Variants in OTUD7A observed in about 807,000 individuals in gnomAD.
The protein encoded by OTUD7A is OTU domain-containing protein 7A.
A neutral mutation model predicts 65.7 loss-of-function variants in OTUD7A; 12 were observed. The ratio of observed to expected loss-of-function variants is 0.18; its 90% CI spans 0.12 to 0.30. The LOEUF is 0.30. Ranked by LOEUF, OTUD7A falls within the 10% of genes least tolerant of loss-of-function variation. The pLI is 1.00. For synonymous variants in OTUD7A, 641 were observed against 586.3 expected (o/e 1.09, Z -1.35); for missense variants, 1,148 against 1,304.8 (o/e 0.88, Z 1.85).
Position 31,483,615 on chromosome 15 carries a change from G to C in OTUD7A, c.2481C>G (p.Val827=), listed in dbSNP as rs1595547749. The C allele has an allele frequency of 1.7e-6, 2 of 1,206,032 alleles. No homozygotes were observed. The highest frequency in any genetic ancestry group is 3.2e-5 in the African/African-American group (2 of 62,196). The allele number at this position is 1,206,032 out of a possible 1,614,324, so 74.7% of individuals were successfully genotyped here. ...SPARAAALRT[V]NTVESLARAV... is the part of the protein sequence containing the mutation. ...CGCGCGCCAGCGACTCGACCGTGTT[G>C]ACGGTGCGCAGGGCGGCGGCGCGCG... Residue 827 remains valine (V), a synonymous_variant, in exon 13 of 13, where the codon GTC becomes GTG. Coordinates refer to ENST00000307050, the MANE Select transcript of OTUD7A (RefSeq NM_001382637.1).
chr15:31,797,402 G>C (rs921682073), intron 1 of OTUD7A, among the ~76,000 whole-genome samples: 1 of 152,154 alleles, frequency 6.6e-6, no homozygotes, highest in South Asian at 2.1e-4. Flanking sequence ...ATGTAGACTG[G>C]CGGTCACCTC....
intron 7 of OTUD7A, 78 bp from the exon 8 acceptor site, chr15:31,526,539 A>G: frequency 8.2e-7 from 1 of 1,215,308 alleles, no homozygotes; most frequent in Non-Finnish European, 1.1e-6. Context: ...CCCAATCTGG[A>G]CCAGCCTCAC....
At chr15:31,503,537 C>T (rs1392191516) in intron 9 of OTUD7A, among the ~76,000 whole-genome samples, 154 bp downstream of exon 9, 3 of 152,226 alleles carry the variant, frequency 2.0e-5, no homozygotes, top group East Asian at 3.8e-4. Context: ...CTGCTGCCAT[C>T]AGGGAGGAGA....
At chr15:31,847,014 G>A (rs1897308026) in intron 1 of OTUD7A, among the ~76,000 whole-genome samples, 1 of 152,194 alleles carries the variant, frequency 6.6e-6, no homozygotes, top group East Asian at 1.9e-4. Flanking sequence ...GCTAGGCAGG[G>A]CAGGGAAGGA....
intron 1 of OTUD7A, among the ~76,000 whole-genome samples, chr15:31,751,119 G>C (rs12594096): frequency 0.69 from 104,796 of 151,886 alleles, 36,669 homozygotes; most frequent in South Asian, 0.8. Context: ...CAAAATAACA[G>C]AGTAAATATA....
chr15:31,819,516 G>A (rs942207037), intron 1 of OTUD7A, among the ~76,000 whole-genome samples: 1 of 152,150 alleles, frequency 6.6e-6, no homozygotes, highest in African/African-American at 2.4e-5. Context: ...CTATATATTT[G>A]TAGAGCTAAA....
chr15:31,649,485 G>A (rs1891772881), intron 3 of OTUD7A, among the ~76,000 whole-genome samples: 1 of 152,146 alleles, frequency 6.6e-6, no homozygotes, highest in African/African-American at 2.4e-5. Flanking sequence ...TTGCCACCAT[G>A]AGGATTTATT....
rs2041422847 is a variant in OTUD7A at position 31,498,797 on chromosome 15, C to T, written c.1171+2893G>A. Reference sequence around the variant, plus strand: ...GGAAGCTACCAAGAAAGAATGCATACATTTTATCTAAAAAGTCCTAAGATA... The same window carrying T: ...GGAAGCTACCAAGAAAGAATGCATATATTTTATCTAAAAAGTCCTAAGATA... On this transcript the variant is annotated intron_variant, in intron 10 of 12. Transcript: ENST00000307050. This position sits in a 1 kb window ranked among gnomAD's most constrained non-coding sequence, Gnocchi z 4.2. Among the ~76,000 whole-genome samples the T allele has an allele frequency of 6.6e-6, 1 of 152,216 alleles. No homozygotes were observed. Among genetic ancestry groups the T allele is most frequent in the Non-Finnish European group, 1.5e-5 (1 of 68,034 alleles).
chr15:31,533,997 G>A (rs1887715912), intron 5 of OTUD7A, among the ~76,000 whole-genome samples: 1 of 152,132 alleles, frequency 6.6e-6, no homozygotes, highest in South Asian at 2.1e-4. Context: ...TGTATATAAT[G>A]TAATAACTAG....
intron 8 of OTUD7A, among the ~76,000 whole-genome samples, chr15:31,523,763 A>T (rs1278602212): frequency 6.6e-6 from 1 of 152,226 alleles, no homozygotes; most frequent in Non-Finnish European, 1.5e-5. Context: ...ATGATGCCCT[A>T]CACCTCTCAG....
At chr15:31,711,047 T>C (rs1893431752) in intron 1 of OTUD7A, among the ~76,000 whole-genome samples, 1 of 146,804 alleles carries the variant, frequency 6.8e-6, no homozygotes, top group African/African-American at 2.5e-5. Flanking sequence ...TTCATTCAGC[T>C]GAATTGATTG....
Position 31,813,069 on chromosome 15 carries a change from C to T in OTUD7A, c.-100+57438G>A, listed in dbSNP as rs73380558. 2.0e-5 allele frequency among the ~76,000 whole-genome samples: 3 copies of T among 152,164 alleles called. No homozygotes were observed. In the East Asian group the frequency reaches 5.8e-4, roughly 29 times the overall value. ...CACAGAGAAGGTAGAAGCAAGACAC[C>T]TGATGCGGCAGCTGTCAAACGCCGG... On this transcript the variant is annotated intron_variant, in intron 1 of 12. Transcript: ENST00000307050.
At chr15:31,825,818 T>C (rs1216584024) in intron 1 of OTUD7A, among the ~76,000 whole-genome samples, 3 of 152,208 alleles carry the variant, frequency 2.0e-5, no homozygotes, top group South Asian at 2.1e-4. Flanking sequence ...AGGTGAGACA[T>C]TGGCCAAAAC....
At chr15:31,807,440 TA>T (rs1261511450) in intron 1 of OTUD7A, among the ~76,000 whole-genome samples, 1 of 152,226 alleles carries the variant, frequency 6.6e-6, no homozygotes, top group Non-Finnish European at 1.5e-5. Flanking sequence ...TTCCTTTTAT[TA>T]AACTCGTACA....
chr15:31,823,712 C>G (rs1488949240), intron 1 of OTUD7A, among the ~76,000 whole-genome samples: 1 of 152,136 alleles, frequency 6.6e-6, no homozygotes, highest in Non-Finnish European at 1.5e-5. Context: ...GCACGTGTAC[C>G]TTAGAACCTA....
chr15:31,725,668 CCA>C (rs1190001014), intron 1 of OTUD7A, among the ~76,000 whole-genome samples: 1 of 152,216 alleles, frequency 6.6e-6, no homozygotes, highest in Non-Finnish European at 1.5e-5. Flanking sequence ...CCTGGCCTCC[CCA>C]AAGCTACACG....
chr15:31,721,507 C>T (rs796716998), intron 1 of OTUD7A, among the ~76,000 whole-genome samples: 3,204 of 129,340 alleles, frequency 0.025, 53 homozygotes, highest in African/African-American at 0.073. Context: ...GCAGGTTTTG[C>T]TTTCTCCTCC....
Position 31,484,342 on chromosome 15 carries a change from G to C in OTUD7A, c.1754C>G (p.Ser585Trp), listed in dbSNP as rs373551661. The change falls in exon 13 of 13, where the codon TCG (serine) becomes TGG (tryptophan). Residue 585 changes from serine (S) to tryptophan (W), a missense_variant. By Grantham distance (177) the Ser-to-Trp change is radical (BLOSUM62 -3). Coordinates refer to ENST00000307050, the MANE Select transcript of OTUD7A (RefSeq NM_001382637.1). The surrounding 1 kb of genome is among the most constrained non-coding windows in gnomAD (Gnocchi z 4.5). ...CTTTTCCGACGGCGACGTGCTGGCC[G>C]ACGCACCAGACTCCTCCTTGCTGCC... The part of the protein sequence containing the change: ...RKGSKEESGA[S>W]ASTSPSEKTT... 6 of 1,600,434 alleles carry C rather than the reference G, an allele frequency of 3.7e-6. No individual in the cohort carries two copies. The African/African-American group carries it at 8.0e-5, about 21-fold the overall frequency.
chr15:31,850,514 C>A (rs545962270), intron 1 of OTUD7A, among the ~76,000 whole-genome samples: 2 of 152,010 alleles, frequency 1.3e-5, no homozygotes, highest in East Asian at 3.9e-4. Flanking sequence ...ACATATGTAA[C>A]AAACCTGCAC....
Sources: allele counts gnomAD v4.1 joint callset (sites outside exome capture counted in the v4.1 genomes callset), GRCh38; gene constraint gnomAD v4.1.1; non-coding constraint Gnocchi (gnomAD v3.1); transcripts MANE v1.5; gene names NCBI Gene and HGNC (gene_info 2026-07-23, HGNC 2026-07-21).